CEBPZOS: variants seen among roughly 807,000 people sequenced by gnomAD.
The protein encoded by CEBPZOS is protein CEBPZOS.
CEBPZOS carries 10 observed loss-of-function variants against 4.8 expected under a neutral mutation model. That is an observed-to-expected ratio of 2.07 (90% CI 1.28 to 3.52). The LOEUF is 3.52. CEBPZOS is among the 30% of genes most tolerant of loss of function. CEBPZOS has a pLI of 0.00. For synonymous variants in CEBPZOS, 25 were observed against 14.2 expected (o/e 1.77, Z -1.72); for missense variants, 98 against 43.6 (o/e 2.25, Z -3.51).
intron 4 of CEBPZOS, chr2:37,210,695 A>G: frequency 4.0e-6 from 1 of 249,238 alleles, no homozygotes. Context: ...GGTGCACCAA[A>G]ATCTCAGAAA....
At chr2:37,213,856 C>T (rs376501690), downstream of CEBPZOS, 8 of 1,581,940 alleles carry the variant, frequency 5.1e-6, no homozygotes, top group African/African-American at 9.5e-5. Context: ...GTCAACAAAA[C>T]AAATTACCAA....
At chr2:37,206,812 A>G (rs1164206276), downstream of CEBPZOS, among the ~76,000 whole-genome samples, 2 of 152,200 alleles carry the variant, frequency 1.3e-5, no homozygotes, top group Non-Finnish European at 2.9e-5. Flanking sequence ...ATAGTACCTC[A>G]CATCTCAAAT....
chr2:37,212,878 A>C (rs1365770409), intron 4 of CEBPZOS, among the ~76,000 whole-genome samples: 10 of 148,886 alleles, frequency 6.7e-5, no homozygotes, highest in East Asian at 5.9e-4. Flanking sequence ...AAAAAAAAAA[A>C]CAAAAAAAAA....
chr2:37,214,009 C>G, downstream of CEBPZOS: 1 of 1,044,502 alleles, frequency 9.6e-7, no homozygotes, highest in Non-Finnish European at 1.3e-6. Context: ...AAGGTCTAAT[C>G]TTACTATATA....
downstream of CEBPZOS, among the ~76,000 whole-genome samples, chr2:37,207,008 A>G (rs1028389573): frequency 2.0e-5 from 3 of 152,220 alleles, no homozygotes; most frequent in African/African-American, 4.8e-5. Context: ...AGCTATTCTT[A>G]TATCAGACAA....
chr2:37,202,993 T>A lies in CEBPZOS; in HGVS notation c.*1133T>A, dbSNP rs761830085. 1 of 1,552,368 alleles carries A rather than the reference T, an allele frequency of 6.4e-7. No individual in the cohort carries two copies. The highest frequency in any genetic ancestry group is 8.7e-7 in the Non-Finnish European group (1 of 1,153,354). On this transcript the variant is annotated 3_prime_UTR_variant, in exon 5 of 5. Coordinates refer to ENST00000402297, the MANE Select transcript of CEBPZOS (RefSeq NM_001322374.2). ...TAGGCTGGAATCATTTAAGTTTCTT[T>A]TCTTTTTTCTTGGCCCTAAAAAAAA...
downstream of CEBPZOS, among the ~76,000 whole-genome samples, chr2:37,208,516 C>A (rs1677612958): frequency 6.6e-6 from 1 of 151,940 alleles, no homozygotes. Context: ...ATATGATATA[C>A]CACATAAACA....
intron 2 of CEBPZOS, among the ~76,000 whole-genome samples, chr2:37,200,526 C>G (rs1677167607): frequency 6.6e-6 from 1 of 152,042 alleles, no homozygotes; most frequent in Admixed American, 6.5e-5. Context: ...CAAATTAAAG[C>G]TTGGGATCAG....
chr2:37,201,346 A>C (rs945055497), intron 3 of CEBPZOS: 10 of 505,444 alleles, frequency 2.0e-5, no homozygotes, highest in African/African-American at 2.0e-5. Context: ...ACCACAGTTT[A>C]AACCTTTGGT....
chr2:37,200,486 T>C (rs988607191), intron 2 of CEBPZOS, among the ~76,000 whole-genome samples: 2 of 152,114 alleles, frequency 1.3e-5, no homozygotes, highest in African/African-American at 4.8e-5. Flanking sequence ...AGGAAGGGTA[T>C]TAAAAAAACA....
rs1010799701 is a variant in CEBPZOS, at chr2:37,201,972, C to G, written c.*112C>G. ...ACTCTTGGTGGTCCCACAGAACATG[C>G]TGCTGAGTCACAGGAACTTCTAGCC... On this transcript the variant is annotated 3_prime_UTR_variant, in exon 5 of 5. Transcript: ENST00000402297. The G allele has an allele frequency of 6.1e-6, 9 of 1,463,782 alleles. No homozygotes were observed. In the African/African-American group the frequency reaches 1.3e-4, roughly 21 times the overall value. 90.7% of individuals were successfully genotyped at this position (1,463,782 alleles called of 1,614,324 possible). A position where few individuals can be genotyped will look rare whatever the true frequency, so the allele number is the denominator to read the frequency against.
At chr2:37,206,818 CAAATACTACGTT>C (rs1456063401), downstream of CEBPZOS, among the ~76,000 whole-genome samples, 1 of 152,176 alleles carries the variant, frequency 6.6e-6, no homozygotes, top group East Asian at 1.9e-4. Flanking sequence ...CCTCACATCT[CAAATACTACGTT>C]GGATGTAAAT....
intron 4 of CEBPZOS, chr2:37,212,703 G>T (rs1417521532): frequency 2.8e-6 from 1 of 361,542 alleles, no homozygotes; most frequent in Admixed American, 4.5e-5. Context: ...TACTCTATTA[G>T]AACTACTTAA....
At position 37,213,065 on chromosome 2, in the gene CEBPZOS, C is replaced by A. The variant is rs546581679; in HGVS notation, c.*3-372C>A. 2.6e-5 allele frequency among the ~76,000 whole-genome samples: 4 copies of A among 151,672 alleles called. No homozygotes were observed. The South Asian group carries it at 6.3e-4, about 24-fold the overall frequency. On this transcript the variant is annotated intron_variant, in intron 4 of 4. Transcript: ENST00000397064. ...GTCTCAAAACAAACAAACAAACCCC[C>A]CAAAAAACAACAACAAAAAAATATG...
At position 37,211,144 on chromosome 2, in the gene CEBPZOS, T is replaced by G; in HGVS notation, c.*3-2293T>G. 3 of 1,087,022 alleles carry G rather than the reference T, an allele frequency of 2.8e-6. No homozygotes were observed. The South Asian group carries it at 4.0e-5, about 15-fold the overall frequency. 67.3% of individuals were successfully genotyped at this position (1,087,022 alleles called of 1,614,324 possible). The stretch of plus-strand genomic sequence containing the variant: ...AAACAATAAGACTGGAAAATATTAC[T>G]CCAAGATATGCTAAAATCTTTATTC... On this transcript the variant is annotated intron_variant, in intron 4 of 4. Coordinates refer to the CEBPZOS transcript ENST00000397064.
In CEBPZOS at chr2:37,211,813, A is replaced by G. The variant is rs1424641425; in HGVS notation, c.*3-1624A>G. 2.7e-6 allele frequency: 4 copies of G among 1,496,926 alleles called. No homozygotes were observed. The Admixed American group carries it at 8.8e-5, about 33-fold the overall frequency. The allele number at this position is 1,496,926 out of a possible 1,614,324, so 92.7% of individuals were successfully genotyped here. ...AAGGCTAAGGAAGTGAGGAAGACAC[A>G]GTTTATGTCTTATTTTAAAAAATGC... On this transcript the variant is annotated intron_variant, in intron 4 of 4. Transcript: ENST00000397064.
chr2:37,197,193 G>A (rs1676985870), intron 1 of CEBPZOS: 1 of 152,512 alleles, frequency 6.6e-6, no homozygotes, highest in Admixed American at 6.5e-5. Context: ...GAAGGCAGGC[G>A]CTGGTCTGCC....
chr2:37,210,920 G>A, intron 4 of CEBPZOS: 2 of 942,330 alleles, frequency 2.1e-6, no homozygotes, highest in Non-Finnish European at 3.2e-6. Context: ...TCAAATTTAG[G>A]AGAGTTCATT....
downstream of CEBPZOS, among the ~76,000 whole-genome samples, chr2:37,207,738 A>T (rs1169273679): frequency 6.6e-6 from 1 of 152,226 alleles, no homozygotes; most frequent in African/African-American, 2.4e-5. Flanking sequence ...CTCACACCTC[A>T]AGGAACTAGA....
Sources: allele counts gnomAD v4.1 joint callset (sites outside exome capture counted in the v4.1 genomes callset), GRCh38; gene constraint gnomAD v4.1.1; transcripts MANE v1.5; gene names NCBI Gene and HGNC (gene_info 2026-07-23, HGNC 2026-07-21).